PIK3CB: variants seen among roughly 807,000 people sequenced by gnomAD.
PIK3CB encodes phosphatidylinositol-4,5-bisphosphate 3-kinase catalytic subunit beta.
In PIK3CB, 39 loss-of-function variants were observed where a neutral mutation model predicts 136.8. The ratio of observed to expected loss-of-function variants is 0.29; its 90% CI spans 0.22 to 0.37. The LOEUF (loss-of-function observed/expected upper bound fraction) is 0.37, where lower values mean the gene tolerates loss of function less well. Ranked by LOEUF, PIK3CB falls within the 10% of genes least tolerant of loss-of-function variation. The probability of loss-of-function intolerance (pLI) is 1.00; values close to 1 mark genes in which losing one functional copy is unlikely to be tolerated. For missense variants in PIK3CB, 868 were observed against 1,275.4 expected, an observed-to-expected ratio of 0.68 and a Z score of 4.87; for synonymous variants, 428 against 436.6, an observed-to-expected ratio of 0.98 and a Z score of 0.25.
intron 2 of PIK3CB, among the ~76,000 whole-genome samples, chr3:138,763,121 A>ATGTATGTATGTATGTAT (rs1553737687): frequency 6.7e-6 from 1 of 149,534 alleles, no homozygotes; most frequent in Admixed American, 6.7e-5. Flanking sequence ...AATGAAAGTT[A>ATGTATGTATGTATGTAT]GTATGTATGT....
chr3:138,686,791 T>C (rs577465925), intron 16 of PIK3CB, among the ~76,000 whole-genome samples: 2 of 152,318 alleles, frequency 1.3e-5, no homozygotes, highest in South Asian at 4.1e-4. Context: ...AATTCAAGCA[T>C]GCAGTTTCCA....
At position 138,654,380 on chromosome 3, in the gene PIK3CB, T is replaced by C; in HGVS notation, c.*1009A>G. The C allele has an allele frequency of 4.5e-6, 1 of 224,188 alleles. No homozygotes were observed. The highest frequency in any genetic ancestry group is 6.5e-5 in the East Asian group (1 of 15,368). 13.9% of individuals were successfully genotyped at this position (224,188 alleles called of 1,614,324 possible). On this transcript the variant is annotated 3_prime_UTR_variant, in exon 24 of 24. Coordinates refer to ENST00000674063, the MANE Select transcript of PIK3CB (RefSeq NM_006219.3). ...ACCATTTCAATTTGAACTAATATCC[T>C]TGAAAAAAATCACATTATTACAAGT...
chr3:138,656,315 G>C, intron 22 of PIK3CB, 41 bp from the exon 23 acceptor site: 4 of 1,609,026 alleles, frequency 2.5e-6, no homozygotes, highest in Non-Finnish European at 3.4e-6. Context: ...CAGTGTTAGA[G>C]GGGAGAGAGC....
chr3:138,806,878 A>G (rs983777133), intron 1 of PIK3CB, among the ~76,000 whole-genome samples: 1 of 152,206 alleles, frequency 6.6e-6, no homozygotes, highest in African/African-American at 2.4e-5. Context: ...TAGGCAGGGG[A>G]TAAGAGGCTT....
chr3:138,693,942 T>TAC (rs2044066314), intron 14 of PIK3CB, among the ~76,000 whole-genome samples: 1 of 30,074 alleles, frequency 3.3e-5, no homozygotes, highest in Non-Finnish European at 5.1e-5. Context: ...TTAAAATATA[T>TAC]ATATATATAT....
At chr3:138,669,403 G>A (rs2043483512) in intron 19 of PIK3CB, among the ~76,000 whole-genome samples, 2 of 69,658 alleles carry the variant, frequency 2.9e-5, no homozygotes, top group South Asian at 1.4e-3. Flanking sequence ...GTGAGACCCT[G>A]TTTCAAAAAA....
chr3:138,704,399 C>T (rs1228607885), intron 12 of PIK3CB, 44 bp downstream of exon 12: 4 of 1,312,080 alleles, frequency 3.0e-6, no homozygotes, highest in Non-Finnish European at 2.2e-6. Flanking sequence ...TAATAATGTG[C>T]ACAACTCCAT....
chr3:138,671,514 A>G (rs759004675), intron 19 of PIK3CB, among the ~76,000 whole-genome samples: 3 of 152,208 alleles, frequency 2.0e-5, no homozygotes, highest in Non-Finnish European at 4.4e-5. Context: ...AAGAAAGAAA[A>G]AAAGACCTCT....
intron 2 of PIK3CB, among the ~76,000 whole-genome samples, chr3:138,768,847 G>A (rs1423560529): frequency 1.3e-5 from 2 of 152,230 alleles, no homozygotes; most frequent in Non-Finnish European, 2.9e-5. Flanking sequence ...GGTCAGACTG[G>A]GTGCCGACAA....
chr3:138,774,765 A>G (rs1380264048), intron 2 of PIK3CB, among the ~76,000 whole-genome samples: 3 of 152,226 alleles, frequency 2.0e-5, no homozygotes, highest in Admixed American at 1.3e-4. Flanking sequence ...AAACAGTAAC[A>G]TGAGAAGAAT....
chr3:138,801,117 C>T (rs1227476075), intron 1 of PIK3CB, among the ~76,000 whole-genome samples: 1 of 152,048 alleles, frequency 6.6e-6, no homozygotes, highest in Non-Finnish European at 1.5e-5. Context: ...TATTCTCAAA[C>T]AGGTAATTAG....
chr3:138,807,848 T>C (rs2046251123), intron 1 of PIK3CB, among the ~76,000 whole-genome samples: 1 of 151,156 alleles, frequency 6.6e-6, no homozygotes, highest in South Asian at 2.1e-4. Flanking sequence ...TGAGCTATGA[T>C]CATGTCATCG....
In PIK3CB at chr3:138,657,719, T is replaced by G; in HGVS notation, c.2913A>C (p.Gly971=). The change falls in exon 22 of 24, where the codon GGA becomes GGC. Residue 971 remains glycine (G), a synonymous_variant. Coordinates refer to ENST00000674063, the MANE Select transcript of PIK3CB (RefSeq NM_006219.3). ...TYDFIHVIQQ[G]KTGNTEKFGR... ...CAAACTTTTCTGTATTTCCTGTTTT[T>G]CCTTGTTGAATGACATGGATGAAAT... is the stretch of plus-strand genomic sequence containing the variant. The G allele has an allele frequency of 6.2e-7, 1 of 1,613,934 alleles. No individual in the cohort carries two copies. The highest frequency in any genetic ancestry group is 8.5e-7 in the Non-Finnish European group (1 of 1,179,880).
intron 14 of PIK3CB, among the ~76,000 whole-genome samples, chr3:138,693,008 A>G (rs914886120): frequency 1.4e-4 from 22 of 152,254 alleles, no homozygotes; most frequent in African/African-American, 5.3e-4. Context: ...AGAATATTAC[A>G]CAGTAGTGAA....
At chr3:138,794,788 C>G (rs2046090609) in intron 2 of PIK3CB, among the ~76,000 whole-genome samples, 1 of 152,062 alleles carries the variant, frequency 6.6e-6, no homozygotes, top group South Asian at 2.1e-4. Context: ...TTTCCAGAAC[C>G]CTTGCAGACA....
chr3:138,713,897 A>G (rs2044556399), intron 9 of PIK3CB, among the ~76,000 whole-genome samples: 2 of 152,162 alleles, frequency 1.3e-5, no homozygotes, highest in African/African-American at 4.8e-5. Flanking sequence ...TAAAAACTGA[A>G]GGTTTGTTCA....
At chr3:138,683,189 C>T (rs1302886395) in intron 18 of PIK3CB, among the ~76,000 whole-genome samples, 2 of 151,678 alleles carry the variant, frequency 1.3e-5, no homozygotes, top group East Asian at 1.9e-4. Context: ...CCCATCTTTA[C>T]AAAAAATACA....
chr3:138,663,855 A>C (rs549635648), intron 21 of PIK3CB, 51 bp downstream of exon 21: 15 of 1,571,470 alleles, frequency 9.5e-6, no homozygotes, highest in Non-Finnish European at 1.3e-5. Context: ...TATGCTATAC[A>C]TAAGAAATAG....
At chr3:138,716,181 C>T (rs2044602647) in intron 8 of PIK3CB, among the ~76,000 whole-genome samples, 1 of 152,172 alleles carries the variant, frequency 6.6e-6, no homozygotes, top group Non-Finnish European at 1.5e-5. Flanking sequence ...AGTAAATCCT[C>T]AGGTCACTAG....
Sources: gnomAD v4.1 joint callset for allele counts (sites outside exome capture counted in the v4.1 genomes callset) on GRCh38, gnomAD v4.1.1 for gene constraint, MANE v1.5 for transcripts, NCBI Gene and HGNC (gene_info 2026-07-23, HGNC 2026-07-21) for gene names.